SLC2A11: variants seen among roughly 807,000 people sequenced by gnomAD.
SLC2A11 encodes the protein solute carrier family 2, facilitated glucose transporter member 11.
SLC2A11 carries 43 observed loss-of-function variants against 52.1 expected under a neutral mutation model. The ratio of observed to expected loss-of-function variants is 0.82; its 90% confidence interval spans 0.65 to 1.06. The LOEUF (loss-of-function observed/expected upper bound fraction) is 1.06. Ranked by LOEUF, SLC2A11 falls within the 50% of genes least tolerant of loss-of-function variation. The pLI is 0.00. For missense variants in SLC2A11, 582 were observed against 654.2 expected (o/e 0.89, Z 1.20); for synonymous variants, 261 against 277.6 (o/e 0.94, Z 0.59).
At chr22:23,875,047 G>A in intron 3 of SLC2A11, 70 bp from the exon 4 acceptor site, 2 of 1,412,448 alleles carry the variant, frequency 1.4e-6, no homozygotes, top group Non-Finnish European at 1.9e-6. Context: ...GTTGCAAAGA[G>A]TGGTCCCCAG....
chr22:23,876,036 C>G (rs78973200), intron 4 of SLC2A11, among the ~76,000 whole-genome samples: 1,576 of 152,076 alleles, frequency 0.01, 31 homozygotes, highest in African/African-American at 0.036. Context: ...GGGCTCTCCA[C>G]AGAGCTGCTT....
At chr22:23,857,776 C>CA (rs1349303785), upstream of SLC2A11, 1 of 1,424,676 alleles carries the variant, frequency 7.0e-7, no homozygotes, top group Non-Finnish European at 9.2e-7. Flanking sequence ...CGCGAACCCT[C>CA]AGCTGGTGCG....
chr22:23,879,868 G>A (rs66819826), intron 6 of SLC2A11: 2,014 of 152,368 alleles, frequency 0.013, 50 homozygotes, highest in African/African-American at 0.046. Context: ...TGAAGAGGGC[G>A]TTGCACAATG....
Position 23,873,509 on chromosome 22 carries a change from C to T in SLC2A11, c.291-1608C>T, listed in dbSNP as rs62239043. 7.1e-3 allele frequency among the ~76,000 whole-genome samples: 1,073 copies of T among 151,858 alleles called. 3 individuals are homozygous for T. Among genetic ancestry groups the T allele is most frequent in the Non-Finnish European group, 0.011 (775 of 67,932 alleles). On this transcript the variant is annotated intron_variant, in intron 3 of 11. Transcript: ENST00000316185. ...ATTTTTAGTAGAGATGGGGTTTCACCATGTTGGCCAGGCTGGTCTCGAACT... is the reference window on the plus strand; with the variant it reads ...ATTTTTAGTAGAGATGGGGTTTCACTATGTTGGCCAGGCTGGTCTCGAACT...
chr22:23,864,758 A>G (rs919004890), intron 2 of SLC2A11, among the ~76,000 whole-genome samples: 1 of 152,170 alleles, frequency 6.6e-6, no homozygotes, highest in Non-Finnish European at 1.5e-5. Context: ...AGACTTTCCT[A>G]GGCTCAGAGG....
At chr22:23,857,674 T>C, upstream of SLC2A11, 1 of 1,106,912 alleles carries the variant, frequency 9.0e-7, no homozygotes, top group South Asian at 1.5e-5. Context: ...CGCATGCGCC[T>C]CAGGCGCCCT....
chr22:23,861,166 G>C (rs900338345), intron 1 of SLC2A11, among the ~76,000 whole-genome samples: 1 of 150,460 alleles, frequency 6.6e-6, no homozygotes, highest in Admixed American at 6.6e-5. Context: ...TTTTAGTAGA[G>C]ATGGGGTTTC....
chr22:23,885,166 A>G lies in SLC2A11; in HGVS notation c.*317A>G, dbSNP rs867427395. 22 of 479,142 alleles carry G rather than the reference A, an allele frequency of 4.6e-5. No homozygotes were observed. The South Asian group carries it at 9.2e-4, about 20-fold the overall frequency. 29.7% of individuals were successfully genotyped at this position (479,142 alleles called of 1,614,324 possible). A position where few individuals can be genotyped will look rare whatever the true frequency, so the allele number is the denominator to read the frequency against. On this transcript the variant is annotated 3_prime_UTR_variant, in exon 12 of 12. Coordinates refer to ENST00000316185, the MANE Select transcript of SLC2A11 (RefSeq NM_001024939.4). ...CCAGAGTTTGAAACCAGCCTAGGTA[A>G]CATAGTGAGACCCCCTATCTCTACA...
chr22:23,868,312 A>G (rs2032333949), intron 2 of SLC2A11, 169 bp from the exon 3 acceptor site: 2 of 679,166 alleles, frequency 2.9e-6, no homozygotes, highest in Non-Finnish European at 5.0e-6. Context: ...TGCACAAGGG[A>G]GGTGCTCAGG....
At chr22:23,882,421 TG>T in intron 6 of SLC2A11, 37 bp from the exon 7 acceptor site, 1 of 1,476,288 alleles carries the variant, frequency 6.8e-7, no homozygotes. Context: ...AAGAGGGGCT[TG>T]GGGACGGGGA....
rs141078324 is a variant in SLC2A11 at position 23,860,290 on chromosome 22, TGTA to T, written c.31-1811_31-1809del. ...TTAGCCCAGCATGATGGTGTGTGCC[TGTA>T]GTCCCAGCTACTTGGGGGGCTGAGG... On this transcript the variant is annotated intron_variant, in intron 1 of 11. Transcript: ENST00000316185. Among the ~76,000 whole-genome samples, 1,206 of 152,246 alleles carry T rather than the reference TGTA, an allele frequency of 7.9e-3. 16 individuals are homozygous for T. The highest frequency in any genetic ancestry group is 0.028 in the African/African-American group (1,145 of 41,544).
At chr22:23,862,251 G>T (rs138381486) in intron 2 of SLC2A11, 49 bp downstream of exon 2, 34,867 of 1,548,290 alleles carry the variant, frequency 0.023, 533 homozygotes, top group Middle Eastern at 0.067. Context: ...GTGGGTACTG[G>T]CTAACAGCTG....
chr22:23,863,401 C>G (rs1381050112), intron 2 of SLC2A11, among the ~76,000 whole-genome samples: 1 of 152,144 alleles, frequency 6.6e-6, no homozygotes, highest in Non-Finnish European at 1.5e-5. Context: ...AGCCAATGTT[C>G]TGTGAGTGTC....
chr22:23,879,170 G>T (rs2032721554), intron 6 of SLC2A11, among the ~76,000 whole-genome samples: 1 of 152,082 alleles, frequency 6.6e-6, no homozygotes, highest in Non-Finnish European at 1.5e-5. Context: ...TTAGAGACAG[G>T]TTCTCGCTTG....
Position 23,862,219 on chromosome 22 carries a change from G to A in SLC2A11, c.129+17G>A, listed in dbSNP as rs755879976. The A allele has an allele frequency of 4.3e-6, 7 of 1,610,384 alleles. No individual in the cohort carries two copies. The East Asian group carries it at 1.1e-4, about 26-fold the overall frequency. On this transcript the variant is annotated intron_variant, in intron 2 of 11. Transcript: ENST00000316185. ...CCGACCTTGGTATGTATCCTCTCTG[G>A]GTGGAGACTGTCCCTGTCTGAGTGG...
chr22:23,882,828 A>T lies in SLC2A11; in HGVS notation c.952A>T (p.Ile318Phe), dbSNP rs372158845. 8 of 1,613,714 alleles carry T rather than the reference A, an allele frequency of 5.0e-6. No individual in the cohort carries two copies. Among genetic ancestry groups the T allele is most frequent in the Admixed American group, 1.7e-5 (1 of 59,976 alleles). Reference sequence around the variant, plus strand: ...GGAAGCGAAGATCCAGTACGCGATCATCGGGACTGGGAGCTGCGAGCTGCT... The same window carrying T: ...GGAAGCGAAGATCCAGTACGCGATCTTCGGGACTGGGAGCTGCGAGCTGCT... ...VPEAKIQYAI[I>F]GTGSCELLTA... Residue 318 changes from isoleucine (I) to phenylalanine (F), a missense_variant, in exon 8 of 12, where the codon ATC becomes TTC. Coordinates refer to ENST00000316185, the MANE Select transcript of SLC2A11 (RefSeq NM_001024939.4).
At position 23,882,580 on chromosome 22, in the gene SLC2A11, C is replaced by T. The variant is rs2032857586; in HGVS notation, c.816C>T (p.Ala272=). 6.2e-7 allele frequency: 1 copy of T among 1,613,228 alleles called. No homozygotes were observed. Among genetic ancestry groups the T allele is most frequent in the Non-Finnish European group, 8.5e-7 (1 of 1,179,776 alleles). ...CATGGGAGCTGTTCCAGCATCGGGC[C>T]CTGAGGAGACAGGTGACAAGCCTCG... ...RRPWELFQHR[A]LRRQVTSLVV... is the part of the protein sequence containing the mutation. The change falls in exon 7 of 12, where the codon GCC becomes GCT. Residue 272 remains alanine (A), a synonymous_variant. Coordinates refer to ENST00000316185, the MANE Select transcript of SLC2A11 (RefSeq NM_001024939.4).
In SLC2A11 at chr22:23,881,696, C is replaced by G. The variant is rs62239044; in HGVS notation, c.695-763C>G. Reference sequence around the variant, plus strand: ...AATGTCAGGGCAAGGAAGATCATCTCCATCTGACCAGGGAGGCAAACAGAG... The same window carrying G: ...AATGTCAGGGCAAGGAAGATCATCTGCATCTGACCAGGGAGGCAAACAGAG... On this transcript the variant is annotated intron_variant, in intron 6 of 11. Coordinates refer to ENST00000316185, the MANE Select transcript of SLC2A11 (RefSeq NM_001024939.4). 474 of 152,904 alleles carry G rather than the reference C, an allele frequency of 3.1e-3. 7 individuals are homozygous for G. Among genetic ancestry groups the G allele is most frequent in the East Asian group, 0.018 (93 of 5,218 alleles). 9.5% of individuals were successfully genotyped at this position (152,904 alleles called of 1,614,324 possible). A position where few individuals can be genotyped will look rare whatever the true frequency, so the allele number is the denominator to read the frequency against.
chr22:23,862,466 A>G (rs77887115), intron 2 of SLC2A11: 31,360 of 465,924 alleles, frequency 0.067, 1,253 homozygotes, highest in Middle Eastern at 0.11. Context: ...TCTTCTCTTC[A>G]TCTCTTGGAC....
Sources: allele counts gnomAD v4.1 joint callset (sites outside exome capture counted in the v4.1 genomes callset), GRCh38; gene constraint gnomAD v4.1.1; transcripts MANE v1.5; gene names NCBI Gene and HGNC (gene_info 2026-07-23, HGNC 2026-07-21).